The following MGAT5 variants were observed in gnomAD, a reference collection of about 807,000 sequenced individuals.
MGAT5 encodes the protein alpha-1,6-mannosylglycoprotein 6-beta-N-acetylglucosaminyltransferase.
MGAT5 carries 30 observed loss-of-function variants against 94.3 expected under a neutral mutation model. The ratio of observed to expected loss-of-function variants is 0.32; its 90% CI spans 0.24 to 0.43. The LOEUF (loss-of-function observed/expected upper bound fraction) is 0.43, where lower values mean the gene tolerates loss of function less well. Ranked by LOEUF, MGAT5 falls within the 20% of genes least tolerant of loss-of-function variation. The pLI, the probability that MGAT5 is intolerant of heterozygous loss-of-function variation, is 1.00. For missense variants in MGAT5, 691 were observed against 905.5 expected, an observed-to-expected ratio of 0.76 and a Z score of 3.04; for synonymous variants, 310 against 322.9, an observed-to-expected ratio of 0.96 and a Z score of 0.43.
intron 14 of MGAT5, among the ~76,000 whole-genome samples, chr2:134,433,056 A>C (rs1050507299): frequency 1.3e-5 from 2 of 152,124 alleles, no homozygotes; most frequent in Admixed American, 6.5e-5. Flanking sequence ...CCGTCACCCC[A>C]AAAAACTCAT....
intron 15 of MGAT5, among the ~76,000 whole-genome samples, chr2:134,443,757 A>G (rs919960477): frequency 2.6e-5 from 4 of 152,194 alleles, no homozygotes; most frequent in African/African-American, 7.2e-5. Context: ...TTTTGCATAT[A>G]GCTCTTGGAG....
chr2:134,351,896 G>C (rs920851572), intron 9 of MGAT5, among the ~76,000 whole-genome samples: 1 of 152,090 alleles, frequency 6.6e-6, no homozygotes, highest in Non-Finnish European at 1.5e-5. Flanking sequence ...ATGGGAAAAG[G>C]CTATTAACAG....
chr2:134,177,809 T>C (rs376132632), intron 1 of MGAT5, among the ~76,000 whole-genome samples: 3 of 152,184 alleles, frequency 2.0e-5, no homozygotes, highest in African/African-American at 4.8e-5. Context: ...TGAGAGTGAA[T>C]TGGCGATGTG....
At chr2:134,369,759 A>ATGTGTGTGTGTGTGTGTGTG (rs1680668337) in intron 10 of MGAT5, among the ~76,000 whole-genome samples, 21 of 41,830 alleles carry the variant, frequency 5.0e-4, no homozygotes, top group African/African-American at 1.4e-3. Flanking sequence ...GTGTGTGTGA[A>ATGTGTGTGTGTGTGTGTGTG]TGACAGACTT....
intron 2 of MGAT5, among the ~76,000 whole-genome samples, chr2:134,282,264 G>A (rs1684741620): frequency 6.6e-6 from 1 of 152,212 alleles, no homozygotes; most frequent in African/African-American, 2.4e-5. Flanking sequence ...CAACTGAGTT[G>A]GCCAGGAGTG....
chr2:134,173,881 C>T (rs1688337829), intron 1 of MGAT5, among the ~76,000 whole-genome samples: 1 of 152,256 alleles, frequency 6.6e-6, no homozygotes, highest in African/African-American at 2.4e-5. Flanking sequence ...CCTCTACACG[C>T]TTTCTCCACC....
chr2:134,202,348 G>A (rs1679828675), intron 1 of MGAT5, among the ~76,000 whole-genome samples: 1 of 152,192 alleles, frequency 6.6e-6, no homozygotes, highest in South Asian at 2.1e-4. Flanking sequence ...GAAGCTGCAG[G>A]GATTTTGTTT....
At chr2:134,172,627 T>C (rs556790235) in intron 1 of MGAT5, among the ~76,000 whole-genome samples, 33 of 152,172 alleles carry the variant, frequency 2.2e-4, no homozygotes, top group Middle Eastern at 3.4e-3. Flanking sequence ...ACCTCGTGAT[T>C]CTCCCGCCTC....
chr2:134,237,123 A>ATGTGTATGTGTG (rs367744090), intron 1 of MGAT5, among the ~76,000 whole-genome samples: 30,072 of 140,402 alleles, frequency 0.21, 3,226 homozygotes, highest in South Asian at 0.28. Context: ...GAAGGAGTAT[A>ATGTGTATGTGTG]TGTGTGTGTG....
At chr2:134,310,431 G>A (rs1477871260) in intron 2 of MGAT5, among the ~76,000 whole-genome samples, 1 of 152,168 alleles carries the variant, frequency 6.6e-6, no homozygotes, top group Non-Finnish European at 1.5e-5. Context: ...CTAGAGGGTT[G>A]AATGGTGTGG....
At chr2:134,353,915 ACT>A (rs1679553842) in intron 9 of MGAT5, among the ~76,000 whole-genome samples, 1 of 152,048 alleles carries the variant, frequency 6.6e-6, no homozygotes, top group South Asian at 2.1e-4. Flanking sequence ...TAGTTCCTAC[ACT>A]CTGTTTTCCA....
chr2:134,350,057 G>T (rs1165883978), intron 9 of MGAT5, 119 bp downstream of exon 9: 1 of 1,096,256 alleles, frequency 9.1e-7, no homozygotes, highest in African/African-American at 1.6e-5. Context: ...AGTGTGTGCT[G>T]TTGAACCTTT....
At chr2:134,437,610 C>T (rs955623162) in intron 14 of MGAT5, among the ~76,000 whole-genome samples, 6 of 152,118 alleles carry the variant, frequency 3.9e-5, no homozygotes, top group Admixed American at 6.5e-5. Flanking sequence ...CTAGATTTCC[C>T]GGTTGACTTA....
chr2:134,184,617 G>A (rs926140630), intron 1 of MGAT5, among the ~76,000 whole-genome samples: 9 of 152,156 alleles, frequency 5.9e-5, no homozygotes, highest in Admixed American at 4.6e-4. Flanking sequence ...GCACACTGCT[G>A]TGAACCCAGG....
chr2:134,335,880 A>G lies in MGAT5; in HGVS notation c.574-337A>G, dbSNP rs530184815. ...CCTTACATTCTCATTCCCCAGTGGC[A>G]ATGTTTCAGTCTTTTAACTTTCTGC... On this transcript the variant is annotated intron_variant, in intron 4 of 15. Transcript: ENST00000281923. Among the ~76,000 whole-genome samples, 72 of 152,284 alleles carry G rather than the reference A, an allele frequency of 4.7e-4. No homozygotes were observed. The South Asian group carries it at 0.014, about 30-fold the overall frequency.
intron 1 of MGAT5, among the ~76,000 whole-genome samples, chr2:134,230,834 A>G (rs898213268): frequency 6.6e-6 from 1 of 152,040 alleles, no homozygotes; most frequent in Non-Finnish European, 1.5e-5. Context: ...AAACACACAC[A>G]CACACACACA....
At chr2:134,353,357 G>A (rs1025734256) in intron 9 of MGAT5, among the ~76,000 whole-genome samples, 8 of 152,150 alleles carry the variant, frequency 5.3e-5, no homozygotes, top group African/African-American at 1.9e-4. Flanking sequence ...TACAGTTGTA[G>A]TGGGAAATAT....
chr2:134,190,400 C>T (rs1326676361), intron 1 of MGAT5, among the ~76,000 whole-genome samples: 1 of 152,202 alleles, frequency 6.6e-6, no homozygotes, highest in African/African-American at 2.4e-5. Context: ...TTCTCACTTT[C>T]ATGAATTTCA....
intron 1 of MGAT5, among the ~76,000 whole-genome samples, chr2:134,174,180 C>T (rs975750897): frequency 6.6e-6 from 1 of 152,252 alleles, no homozygotes; most frequent in African/African-American, 2.4e-5. Context: ...GCCAGTGGAT[C>T]TTGTGTCTGG....
Sources: allele counts gnomAD v4.1 joint callset (sites outside exome capture counted in the v4.1 genomes callset), GRCh38; gene constraint gnomAD v4.1.1; transcripts MANE v1.5; gene names NCBI Gene and HGNC (gene_info 2026-07-23, HGNC 2026-07-21).